LCMT1: variants seen among roughly 807,000 people sequenced by gnomAD.
The protein encoded by LCMT1 is leucine carboxyl methyltransferase 1.
LCMT1 carries 32 observed loss-of-function variants against 47.7 expected under a neutral mutation model. The observed-to-expected ratio is 0.67, with a 90% confidence interval of 0.51 to 0.90. The LOEUF is 0.90. Ranked by LOEUF, LCMT1 falls within the 40% of genes least tolerant of loss-of-function variation. The pLI is 0.00. For synonymous variants in LCMT1, 152 were observed against 149.7 expected (o/e 1.02, Z -0.11); for missense variants, 375 against 415.2 (o/e 0.90, Z 0.84).
chr16:25,153,328 C>T (rs1961136080), intron 5 of LCMT1, among the ~76,000 whole-genome samples: 1 of 152,222 alleles, frequency 6.6e-6, no homozygotes, highest in South Asian at 2.1e-4. Flanking sequence ...AGACTTAGTA[C>T]AGTTCTGGAA....
rs114290096 is a variant in LCMT1 at position 25,178,091 on chromosome 16, C to G, written c.*68C>G. 5,905 of 1,524,684 alleles carry G rather than the reference C, an allele frequency of 3.9e-3. 175 individuals are homozygous for G. The African/African-American group carries it at 0.065, about 17-fold the overall frequency. 94.4% of individuals were successfully genotyped at this position (1,524,684 alleles called of 1,614,324 possible). A position where few individuals can be genotyped will look rare whatever the true frequency, so the allele number is the denominator to read the frequency against. ...CCCTCCTGGAGGAGACCTGCAAGCT[C>G]CCTGAGCGGTGGGCGGGCCTCGTCC... On this transcript the variant is annotated 3_prime_UTR_variant, in exon 11 of 11. Transcript: ENST00000399069.
At chr16:25,129,225 A>G (rs114235945) in intron 2 of LCMT1, among the ~76,000 whole-genome samples, 34 of 151,860 alleles carry the variant, frequency 2.2e-4, no homozygotes, top group African/African-American at 8.2e-4. Flanking sequence ...AAATAAGCAT[A>G]TATATATGGC....
chr16:25,169,662 A>C (rs772074045), intron 8 of LCMT1: 3 of 158,588 alleles, frequency 1.9e-5, no homozygotes, highest in Non-Finnish European at 2.8e-5. Context: ...TCCCAGGATG[A>C]TGATAATACC....
At chr16:25,158,447 T>C (rs1961327264) in intron 5 of LCMT1, among the ~76,000 whole-genome samples, 1 of 152,246 alleles carries the variant, frequency 6.6e-6, no homozygotes, top group Non-Finnish European at 1.5e-5. Context: ...TCTGTTTCTT[T>C]AGAAAGTTCT....
chr16:25,131,370 A>G (rs971624694), intron 2 of LCMT1, among the ~76,000 whole-genome samples: 12 of 152,270 alleles, frequency 7.9e-5, no homozygotes, highest in African/African-American at 2.7e-4. Context: ...GAATGCAGCC[A>G]GATTGGAGAG....
chr16:25,149,622 A>T (rs1387141763), intron 4 of LCMT1, among the ~76,000 whole-genome samples: 1 of 152,292 alleles, frequency 6.6e-6, no homozygotes. Flanking sequence ...GTAGAAAGTT[A>T]CCTGGCCTTG....
chr16:25,174,388 T>C (rs960372648), intron 9 of LCMT1, among the ~76,000 whole-genome samples: 1 of 151,584 alleles, frequency 6.6e-6, no homozygotes, highest in African/African-American at 2.4e-5. Context: ...CTTCTGTATT[T>C]TCCAAAAGTC....
intron 9 of LCMT1, among the ~76,000 whole-genome samples, chr16:25,172,088 C>T (rs965224436): frequency 1.3e-4 from 20 of 152,070 alleles, no homozygotes. Context: ...GGTGGATCAC[C>T]TGAGGTTAGG....
At position 25,168,048 on chromosome 16, in the gene LCMT1, C is replaced by T. The variant is rs138891804; in HGVS notation, c.691-1064C>T. Among the ~76,000 whole-genome samples the T allele has an allele frequency of 5.0e-3, 738 of 148,996 alleles. 12 individuals are homozygous for T. Among genetic ancestry groups the T allele is most frequent in the African/African-American group, 0.018 (709 of 40,058 alleles). On this transcript the variant is annotated intron_variant, in intron 7 of 10. Transcript: ENST00000399069. ...CTGGGATTATAGGCGTGAGCTACCG[C>T]ACCCAGCCTTTTTTTTTTGAGACAG...
intron 5 of LCMT1, among the ~76,000 whole-genome samples, chr16:25,154,976 G>A (rs976147280): frequency 2.0e-5 from 3 of 152,252 alleles, no homozygotes; most frequent in African/African-American, 4.8e-5. Context: ...AAATTTGGGC[G>A]AACTGATACG....
At chr16:25,134,191 T>G (rs912987395) in intron 3 of LCMT1, among the ~76,000 whole-genome samples, 4 of 152,108 alleles carry the variant, frequency 2.6e-5, no homozygotes, top group Admixed American at 1.3e-4. Context: ...CACTTATCTG[T>G]TTTGTCCCCT....
chr16:25,174,148 G>A (rs1388968364), intron 9 of LCMT1, among the ~76,000 whole-genome samples: 1 of 152,170 alleles, frequency 6.6e-6, no homozygotes, highest in African/African-American at 2.4e-5. Flanking sequence ...CTGACCTCAG[G>A]AGATCCACCC....
chr16:25,131,115 C>T (rs1960338471), intron 2 of LCMT1, among the ~76,000 whole-genome samples: 1 of 152,212 alleles, frequency 6.6e-6, no homozygotes, highest in Admixed American at 6.5e-5. Flanking sequence ...AGAAATTGAC[C>T]AAATGACTAT....
chr16:25,132,510 T>C lies in LCMT1; in HGVS notation c.314T>C (p.Phe105Ser). Residue 105 changes from phenylalanine to serine, a missense_variant, in exon 3 of 11, where the codon TTC (phenylalanine) becomes TCC (serine). By Grantham distance (155) the Phe-to-Ser change is radical. Transcript: ENST00000399069. ...VNLGAGMDTT[F>S]WRLKDEDLLP... Reference sequence around the variant, plus strand: ...CTTGGGGCAGGCATGGATACCACCTTCTGGAGATTAAAGGTATGTTCAAAT... The same window carrying C: ...CTTGGGGCAGGCATGGATACCACCTCCTGGAGATTAAAGGTATGTTCAAAT... 1 of 1,613,884 alleles carries C rather than the reference T, an allele frequency of 6.2e-7. No homozygotes were observed. The highest frequency in any genetic ancestry group is 8.5e-7 in the Non-Finnish European group (1 of 1,179,840).
At chr16:25,126,692 A>G (rs1960202546) in intron 1 of LCMT1, among the ~76,000 whole-genome samples, 1 of 152,174 alleles carries the variant, frequency 6.6e-6, no homozygotes, top group Non-Finnish European at 1.5e-5. Flanking sequence ...CCTGCTCTTT[A>G]TTATCCAAGA....
At chr16:25,173,169 T>C (rs1191139712) in intron 9 of LCMT1, among the ~76,000 whole-genome samples, 1 of 152,210 alleles carries the variant, frequency 6.6e-6, no homozygotes, top group African/African-American at 2.4e-5. Flanking sequence ...GAGTTGAGTG[T>C]CTGCTGTGTG....
intron 10 of LCMT1, among the ~76,000 whole-genome samples, chr16:25,176,287 C>T (rs906566911): frequency 6.6e-6 from 1 of 152,138 alleles, no homozygotes; most frequent in African/African-American, 2.4e-5. Context: ...GATCCCAGTT[C>T]CGGCCTTCAG....
chr16:25,174,201 T>G (rs1961860476), intron 9 of LCMT1, among the ~76,000 whole-genome samples: 1 of 152,204 alleles, frequency 6.6e-6, no homozygotes, highest in Non-Finnish European at 1.5e-5. Context: ...CGTGAGGCAC[T>G]TCACCCAACC....
chr16:25,113,292 G>C (rs1041602168), intron 1 of LCMT1, among the ~76,000 whole-genome samples: 1 of 152,170 alleles, frequency 6.6e-6, no homozygotes, highest in Non-Finnish European at 1.5e-5. Flanking sequence ...ATTGTAGAGT[G>C]GGGAAAACCA....
Sources: gnomAD v4.1 joint callset for allele counts (sites outside exome capture counted in the v4.1 genomes callset) on GRCh38, gnomAD v4.1.1 for gene constraint, MANE v1.5 for transcripts, NCBI Gene and HGNC (gene_info 2026-07-23, HGNC 2026-07-21) for gene names.